TCF4: variants seen among roughly 807,000 people sequenced by gnomAD.
TCF4 encodes the protein transcription factor 4.
A neutral mutation model predicts 82.1 loss-of-function variants in TCF4; 3 were observed. The observed-to-expected ratio is 0.04, with a 90% CI of 0.02 to 0.09. The LOEUF (loss-of-function observed/expected upper bound fraction) is 0.09, where lower values mean the gene tolerates loss of function less well. Ranked by LOEUF, TCF4 falls within the 10% of genes least tolerant of loss-of-function variation. The pLI is 1.00. For missense variants in TCF4, 518 were observed against 852.7 expected, an observed-to-expected ratio of 0.61 and a Z score of 4.89; for synonymous variants, 276 against 309.6, an observed-to-expected ratio of 0.89 and a Z score of 1.14.
intron 3 of TCF4, among the ~76,000 whole-genome samples, chr18:55,528,720 A>C (rs1441314429): frequency 6.6e-6 from 1 of 152,218 alleles, no homozygotes; most frequent in African/African-American, 2.4e-5. Flanking sequence ...TCTCCAAGGA[A>C]TTTATGTCTC....
At chr18:55,401,076 C>T (rs2093787662) in intron 6 of TCF4, 1 of 1,289,040 alleles carries the variant, frequency 7.8e-7, no homozygotes, top group East Asian at 5.5e-5. Flanking sequence ...GAGATTTTGC[C>T]TTTCTCTTTG....
At chr18:55,329,958 T>C (rs962034972) in intron 8 of TCF4, among the ~76,000 whole-genome samples, 9 of 152,176 alleles carry the variant, frequency 5.9e-5, no homozygotes, top group African/African-American at 2.2e-4. Flanking sequence ...GTTGAAGATA[T>C]CCCTTACTGC....
At chr18:55,448,677 C>T (rs2095568245) in intron 5 of TCF4, among the ~76,000 whole-genome samples, 1 of 152,224 alleles carries the variant, frequency 6.6e-6, no homozygotes, top group Non-Finnish European at 1.5e-5. Flanking sequence ...CTCTAAAGTG[C>T]TTGCAAGCAA....
At chr18:55,264,346 A>AG (rs1568542532) in intron 11 of TCF4, among the ~76,000 whole-genome samples, 1 of 152,192 alleles carries the variant, frequency 6.6e-6, no homozygotes, top group Non-Finnish European at 1.5e-5. Flanking sequence ...ACCTTGCAAC[A>AG]GCTGGAGTGC....
chr18:55,506,242 GT>G (rs2096758098), intron 3 of TCF4, among the ~76,000 whole-genome samples: 1 of 152,146 alleles, frequency 6.6e-6, no homozygotes, highest in Admixed American at 6.5e-5. Flanking sequence ...TTTCTCTCTG[GT>G]TCAATGATCC....
intron 2 of TCF4, among the ~76,000 whole-genome samples, chr18:55,625,359 C>T (rs1194225416): frequency 6.6e-6 from 1 of 151,944 alleles, no homozygotes; most frequent in Non-Finnish European, 1.5e-5. Flanking sequence ...CTGCCTCAGC[C>T]TCCTGAGTAG....
At chr18:55,566,876 T>C (rs1031627029) in intron 3 of TCF4, among the ~76,000 whole-genome samples, 2 of 152,158 alleles carry the variant, frequency 1.3e-5, no homozygotes, top group African/African-American at 2.4e-5. Flanking sequence ...AAGCCACAGA[T>C]GCATGAAGAA....
chr18:55,595,067 A>G (rs1164805964), intron 2 of TCF4, among the ~76,000 whole-genome samples: 1 of 152,240 alleles, frequency 6.6e-6, no homozygotes, highest in Non-Finnish European at 1.5e-5. Context: ...CCAAAAAATG[A>G]CAAAACCCTT....
chr18:55,382,005 G>A (rs756521995), intron 6 of TCF4, among the ~76,000 whole-genome samples: 2 of 151,810 alleles, frequency 1.3e-5, no homozygotes, highest in African/African-American at 2.4e-5. Context: ...CTTAGAAAAT[G>A]GCAAAGTCCC....
intron 8 of TCF4, among the ~76,000 whole-genome samples, chr18:55,282,994 G>A (rs1191109325): frequency 1.3e-5 from 2 of 152,016 alleles, no homozygotes; most frequent in African/African-American, 4.8e-5. Flanking sequence ...CCTATTTGTT[G>A]AGTAAAAACT....
chr18:55,512,645 A>C (rs1174755802), intron 3 of TCF4, among the ~76,000 whole-genome samples: 2 of 152,130 alleles, frequency 1.3e-5, no homozygotes, highest in Non-Finnish European at 2.9e-5. Context: ...TATTATTAAG[A>C]ATTTATCAAA....
intron 8 of TCF4, among the ~76,000 whole-genome samples, chr18:55,336,401 C>T (rs553716418): frequency 3.3e-5 from 5 of 151,836 alleles, no homozygotes; most frequent in East Asian, 1.9e-4. Flanking sequence ...ACCATGTGCA[C>T]GTGGGTCATT....
At chr18:55,308,328 T>C (rs1336546714) in intron 8 of TCF4, among the ~76,000 whole-genome samples, 2 of 152,222 alleles carry the variant, frequency 1.3e-5, no homozygotes, top group Non-Finnish European at 2.9e-5. Context: ...TATTGCATGC[T>C]GCTGGGGACT....
chr18:55,235,281 T>C (rs1195558208), intron 15 of TCF4, among the ~76,000 whole-genome samples: 1 of 152,168 alleles, frequency 6.6e-6, no homozygotes, highest in Admixed American at 6.5e-5. Context: ...TAATGTTTAC[T>C]GTATTTCATC....
At chr18:55,614,138 T>TCC (rs2097709684) in intron 2 of TCF4, among the ~76,000 whole-genome samples, 1 of 152,144 alleles carries the variant, frequency 6.6e-6, no homozygotes, top group Non-Finnish European at 1.5e-5. Flanking sequence ...CAAGTGAGCC[T>TCC]CCCGCCTTAG....
intron 3 of TCF4, among the ~76,000 whole-genome samples, chr18:55,515,691 A>G (rs1172097224): frequency 6.6e-6 from 1 of 152,196 alleles, no homozygotes; most frequent in Non-Finnish European, 1.5e-5. Flanking sequence ...TGGAATCTTC[A>G]GAGAGTGTTG....
intron 3 of TCF4, among the ~76,000 whole-genome samples, chr18:55,496,896 CA>C (rs60244407): frequency 0.32 from 35,357 of 108,820 alleles, 4,354 homozygotes; most frequent in East Asian, 0.48. Context: ...TGTAAAATTA[CA>C]AAAAAAAAAA....
chr18:55,370,220 A>G (rs2145543891), intron 6 of TCF4, among the ~76,000 whole-genome samples: 1 of 152,344 alleles, frequency 6.6e-6, no homozygotes, highest in South Asian at 2.1e-4. Context: ...CAGCACAGCA[A>G]GACTCAGTCT....
At chr18:55,247,642 A>T (rs574689529) in intron 15 of TCF4, among the ~76,000 whole-genome samples, 4 of 152,320 alleles carry the variant, frequency 2.6e-5, no homozygotes, top group African/African-American at 9.6e-5. Flanking sequence ...ACACACTAAA[A>T]GGTTCTTGTG....
Sources: allele counts gnomAD v4.1 joint callset (sites outside exome capture counted in the v4.1 genomes callset), GRCh38; gene constraint gnomAD v4.1.1; transcripts MANE v1.5; gene names NCBI Gene and HGNC (gene_info 2026-07-23, HGNC 2026-07-21).